FAT4: variants seen among roughly 807,000 people sequenced by gnomAD.
FAT4 encodes protocadherin Fat 4.
FAT4 carries 84 observed loss-of-function variants against 303.9 expected under a neutral mutation model. That is an observed-to-expected ratio of 0.28 (90% CI 0.23 to 0.33). FAT4 has a LOEUF of 0.33. Ranked by LOEUF, FAT4 falls within the 10% of genes least tolerant of loss-of-function variation. The pLI, the probability that FAT4 is intolerant of heterozygous loss-of-function variation, is 1.00. For synonymous variants in FAT4, 2,307 were observed against 2,298.8 expected (o/e 1.00, Z -0.10); for missense variants, 6,005 against 6,146.8 (o/e 0.98, Z 0.77).
chr4:125,491,554 G>C lies in FAT4; in HGVS notation c.14738G>C (p.Gly4913Ala). The C allele has an allele frequency of 6.2e-7, 1 of 1,614,182 alleles. No homozygotes were observed. Among genetic ancestry groups the C allele is most frequent in the Non-Finnish European group, 8.5e-7 (1 of 1,180,028 alleles). Residue 4913 changes from glycine (G) to alanine (A), a missense_variant, in exon 18 of 18, where the codon GGC becomes GCC. Transcript: ENST00000394329. ...GPVGTQAAAPGTADNTLPMKL... is the reference protein window; with the variant it reads ...GPVGTQAAAPATADNTLPMKL... ...GTGGGCACCCAGGCAGCAGCACCAG[G>C]CACTGCTGACAACACACTGCCCATG...
chr4:125,318,568 T>C lies in FAT4; in HGVS notation c.2157T>C (p.Gly719=), dbSNP rs1277804738. The change falls in exon 2 of 18, where the codon GGT becomes GGC. Residue 719 remains glycine (G), a synonymous_variant. Transcript: ENST00000394329. ...TGTCTGCCACTGACCCAGACTTGGGTACCAATGGTACTGTCAAATATAGCA... is the reference window on the plus strand; with the variant it reads ...TGTCTGCCACTGACCCAGACTTGGGCACCAATGGTACTGTCAAATATAGCA... ...TTVSATDPDL[G]TNGTVKYSIS... is the part of the protein sequence containing the mutation. The C allele has an allele frequency of 4.3e-6, 7 of 1,614,032 alleles. No homozygotes were observed. In the South Asian group the frequency reaches 6.6e-5, roughly 15 times the overall value.
At chr4:125,378,114 G>C (rs1044461943) in intron 2 of FAT4, among the ~76,000 whole-genome samples, 1 of 152,092 alleles carries the variant, frequency 6.6e-6, no homozygotes, top group African/African-American at 2.4e-5. Context: ...TCCTGCTCCA[G>C]ATTAACAGAT....
At chr4:125,399,397 A>T (rs1469545672) in intron 3 of FAT4, among the ~76,000 whole-genome samples, 1 of 151,998 alleles carries the variant, frequency 6.6e-6, no homozygotes, top group Non-Finnish European at 1.5e-5. Flanking sequence ...GGAAACAAAT[A>T]CTTTGTGATT....
intron 12 of FAT4, among the ~76,000 whole-genome samples, chr4:125,475,379 C>G (rs982493869): frequency 1.3e-5 from 2 of 151,982 alleles, no homozygotes; most frequent in African/African-American, 4.8e-5. Flanking sequence ...GTTCTGAGGC[C>G]TTTTAACCAT....
chr4:125,476,918 T>C (rs1727048278), intron 13 of FAT4, among the ~76,000 whole-genome samples: 1 of 152,104 alleles, frequency 6.6e-6, no homozygotes, highest in East Asian at 1.9e-4. Context: ...TGTGATAATA[T>C]ACATCTAACT....
intron 2 of FAT4, among the ~76,000 whole-genome samples, chr4:125,346,764 A>G (rs1404785508): frequency 6.6e-6 from 1 of 152,030 alleles, no homozygotes; most frequent in Non-Finnish European, 1.5e-5. Flanking sequence ...CTGCTCGCAT[A>G]TTCAGAGGCC....
chr4:125,487,661 G>A (rs1727459476), intron 17 of FAT4, 55 bp downstream of exon 17: 2 of 1,497,992 alleles, frequency 1.3e-6, no homozygotes, highest in East Asian at 2.3e-5. Context: ...TCTTCAAAAA[G>A]TAATTGCTTT....
chr4:125,365,405 C>A (rs1037428767), intron 2 of FAT4, among the ~76,000 whole-genome samples: 1 of 152,176 alleles, frequency 6.6e-6, no homozygotes. Context: ...AAAACCTCAA[C>A]TTTATTCCTT....
At chr4:125,479,111 A>G (rs1727134377) in intron 14 of FAT4, among the ~76,000 whole-genome samples, 1 of 152,096 alleles carries the variant, frequency 6.6e-6, no homozygotes, top group South Asian at 2.1e-4. Flanking sequence ...AAGATATTCT[A>G]CCAGATATAC....
intron 2 of FAT4, among the ~76,000 whole-genome samples, chr4:125,380,725 GA>G (rs1386347207): frequency 1.3e-4 from 20 of 152,246 alleles, no homozygotes; most frequent in African/African-American, 4.6e-4. Flanking sequence ...CTAGACAGGA[GA>G]ACTGTAATGT....
Position 125,448,955 on chromosome 4 carries a change from C to T in FAT4, c.7945C>T (p.Pro2649Ser). 7 of 1,613,712 alleles carry T rather than the reference C, an allele frequency of 4.3e-6. No homozygotes were observed. Among genetic ancestry groups the T allele is most frequent in the Non-Finnish European group, 5.1e-6 (6 of 1,179,888 alleles). The change falls in exon 10 of 18, where the codon CCT (proline) becomes TCT (serine). Residue 2649 changes from proline to serine, a missense_variant. Coordinates refer to ENST00000394329, the MANE Select transcript of FAT4 (RefSeq NM_001291303.3). ...GATAGAGGCCAGAGACGGTGGTTTCCCTCCTTTCTCCTCTTACGAGAAACT... is the reference window on the plus strand; with the variant it reads ...GATAGAGGCCAGAGACGGTGGTTTCTCTCCTTTCTCCTCTTACGAGAAACT... ...VWIEARDGGF[P>S]PFSSYEKLDI...
chr4:125,455,866 A>G (rs1230188326), intron 10 of FAT4, among the ~76,000 whole-genome samples: 1 of 152,240 alleles, frequency 6.6e-6, no homozygotes, highest in Non-Finnish European at 1.5e-5. Flanking sequence ...ACTTTGAGGC[A>G]GGAAAGTATT....
chr4:125,450,391 G>C lies in FAT4; in HGVS notation c.9381G>C (p.Lys3127Asn). Residue 3127 changes from lysine (K) to asparagine (N), a missense_variant, in exon 10 of 18, where the codon AAG (lysine) becomes AAC (asparagine). Physicochemically the swap from Lys to Asn is moderately conservative, Grantham distance 94. Transcript: ENST00000394329. ...DRDAAMNGLI[K>N]YSISSGNEEG... ...ATGCAGCGATGAATGGCTTGATTAA[G>C]TACAGCATTTCTTCAGGAAATGAAG... The C allele has an allele frequency of 6.2e-7, 1 of 1,614,060 alleles. No individual in the cohort carries two copies. The highest frequency in any genetic ancestry group is 8.5e-7 in the Non-Finnish European group (1 of 1,179,988).
chr4:125,351,086 T>G (rs1732208286), intron 2 of FAT4, among the ~76,000 whole-genome samples: 1 of 151,788 alleles, frequency 6.6e-6, no homozygotes, highest in Non-Finnish European at 1.5e-5. Context: ...GGCCGCGTGA[T>G]GTGATTGATT....
chr4:125,373,261 A>T (rs1363023000), intron 2 of FAT4, among the ~76,000 whole-genome samples: 1 of 152,118 alleles, frequency 6.6e-6, no homozygotes, highest in African/African-American at 2.4e-5. Flanking sequence ...TTCAAATCAG[A>T]ATTGCCATGA....
rs1218915760 is a variant in FAT4, at chr4:125,452,399, G to A, written c.11389G>A (p.Gly3797Arg). Residue 3797 changes from glycine to arginine, a missense_variant, in exon 10 of 18, where the codon GGA (glycine) becomes AGA (arginine). Coordinates refer to ENST00000394329, the MANE Select transcript of FAT4 (RefSeq NM_001291303.3). ...CAAAGAGATCCTTCTCCGGCAGAGTGGAGTAAAGGTGGAATCTGTGGATCA... is the reference window on the plus strand; with the variant it reads ...CAAAGAGATCCTTCTCCGGCAGAGTAGAGTAAAGGTGGAATCTGTGGATCA... ...SIKEILLRQS[G>R]VKVESVDHDS... 1 of 1,614,156 alleles carries A rather than the reference G, an allele frequency of 6.2e-7. No individual in the cohort carries two copies. Among genetic ancestry groups the A allele is most frequent in the African/African-American group, 1.3e-5 (1 of 75,052 alleles).
At chr4:125,380,503 A>G (rs1733499711) in intron 2 of FAT4, among the ~76,000 whole-genome samples, 1 of 152,208 alleles carries the variant, frequency 6.6e-6, no homozygotes, top group Non-Finnish European at 1.5e-5. Flanking sequence ...GTCAATAAAA[A>G]CATGTTGAAA....
chr4:125,428,647 A>G (rs1465812128), intron 7 of FAT4, among the ~76,000 whole-genome samples: 2 of 152,162 alleles, frequency 1.3e-5, no homozygotes. Flanking sequence ...TTCCATGTTT[A>G]TGTTATATTT....
intron 8 of FAT4, among the ~76,000 whole-genome samples, chr4:125,442,403 T>C (rs1354806014): frequency 1.3e-5 from 2 of 152,148 alleles, no homozygotes; most frequent in African/African-American, 4.8e-5. Flanking sequence ...CTGTTTTGAA[T>C]TTTTAGTCCC....
Sources: gnomAD v4.1 joint callset for allele counts (sites outside exome capture counted in the v4.1 genomes callset) on GRCh38, gnomAD v4.1.1 for gene constraint, MANE v1.5 for transcripts, NCBI Gene and HGNC (gene_info 2026-07-23, HGNC 2026-07-21) for gene names.